BACE2: variants seen among roughly 807,000 people sequenced by gnomAD.
The protein encoded by BACE2 is beta-secretase 2.
BACE2 carries 17 observed loss-of-function variants against 46.2 expected under a neutral mutation model. That is an observed-to-expected ratio of 0.37 (90% CI 0.25 to 0.55). The LOEUF (loss-of-function observed/expected upper bound fraction) is 0.55. Among genes scored for constraint, BACE2 ranks in the 20% least tolerant of loss-of-function variants. BACE2 has a pLI of 0.82. For synonymous variants in BACE2, 277 were observed against 295.9 expected (o/e 0.94, Z 0.66); for missense variants, 595 against 698.1 (o/e 0.85, Z 1.66).
intron 1 of BACE2, among the ~76,000 whole-genome samples, chr21:41,205,969 T>C (rs1252431384): frequency 2.0e-5 from 3 of 152,188 alleles, no homozygotes; most frequent in African/African-American, 7.2e-5. Context: ...CTTGAAGAGA[T>C]AGTCACACAC....
intron 8 of BACE2, among the ~76,000 whole-genome samples, chr21:41,262,308 T>C (rs1987959928): frequency 6.6e-6 from 1 of 152,188 alleles, no homozygotes; most frequent in Non-Finnish European, 1.5e-5. Context: ...TTTTGCAAGG[T>C]ATCTAATGAA....
intron 8 of BACE2, among the ~76,000 whole-genome samples, chr21:41,263,079 G>A (rs1329582766): frequency 2.6e-5 from 4 of 151,592 alleles, no homozygotes; most frequent in African/African-American, 7.3e-5. Context: ...TTCTCATTTC[G>A]TACCATGGAG....
chr21:41,169,828 C>G (rs1350711176), intron 1 of BACE2, among the ~76,000 whole-genome samples: 1 of 152,144 alleles, frequency 6.6e-6, no homozygotes, highest in Non-Finnish European at 1.5e-5. Flanking sequence ...TGGGAAGCCA[C>G]GTGAGTGATC....
intron 1 of BACE2, among the ~76,000 whole-genome samples, chr21:41,195,413 G>T (rs1375515317): frequency 6.6e-6 from 1 of 152,250 alleles, no homozygotes; most frequent in Non-Finnish European, 1.5e-5. Context: ...GGACCCATTA[G>T]GGGAAGGGTT....
chr21:41,271,099 C>CT (rs2088429956), intron 8 of BACE2, among the ~76,000 whole-genome samples: 2 of 152,090 alleles, frequency 1.3e-5, no homozygotes, highest in African/African-American at 4.8e-5. Flanking sequence ...TCTATTCTGT[C>CT]TAATAATATA....
intron 2 of BACE2, among the ~76,000 whole-genome samples, chr21:41,230,983 C>T (rs1224350832): frequency 1.3e-5 from 2 of 152,168 alleles, no homozygotes; most frequent in Non-Finnish European, 2.9e-5. Flanking sequence ...AGTATATTTC[C>T]ATTAAAATGT....
chr21:41,204,261 G>A (rs1986056434), intron 1 of BACE2, among the ~76,000 whole-genome samples: 1 of 152,160 alleles, frequency 6.6e-6, no homozygotes, highest in Admixed American at 6.5e-5. Context: ...GGCTAGCCTT[G>A]AACTCCTGAC....
chr21:41,190,287 AC>A (rs1985521470), intron 1 of BACE2, among the ~76,000 whole-genome samples: 2 of 152,222 alleles, frequency 1.3e-5, no homozygotes, highest in African/African-American at 4.8e-5. Flanking sequence ...ATTATGCCTA[AC>A]ATATTACAAC....
chr21:41,216,081 G>C, intron 1 of BACE2, among the ~76,000 whole-genome samples: 1 of 152,190 alleles, frequency 6.6e-6, no homozygotes, highest in East Asian at 1.9e-4. Flanking sequence ...AGAGCGCGTC[G>C]TGTGAAATTT....
intron 1 of BACE2, among the ~76,000 whole-genome samples, chr21:41,214,777 G>T (rs1430549988): frequency 1.3e-5 from 2 of 152,222 alleles, no homozygotes; most frequent in Non-Finnish European, 2.9e-5. Context: ...ACAAAGAGAT[G>T]AGCCACATGT....
chr21:41,217,873 T>G (rs528239600), intron 1 of BACE2, among the ~76,000 whole-genome samples: 5 of 152,268 alleles, frequency 3.3e-5, no homozygotes, highest in Admixed American at 2.0e-4. Context: ...CACGCCTCCA[T>G]GACACAGCCT....
chr21:41,257,867 G>A (rs1309149510), intron 8 of BACE2, among the ~76,000 whole-genome samples: 2 of 152,186 alleles, frequency 1.3e-5, no homozygotes, highest in Non-Finnish European at 2.9e-5. Flanking sequence ...GGTCTTCAGA[G>A]AAACCAGGAT....
intron 2 of BACE2, among the ~76,000 whole-genome samples, chr21:41,231,626 C>T (rs1986968677): frequency 6.6e-6 from 1 of 152,178 alleles, no homozygotes; most frequent in South Asian, 2.1e-4. Context: ...TTTAATCCTG[C>T]ATTCCCTGAG....
chr21:41,197,261 G>C (rs1283060793), intron 1 of BACE2, among the ~76,000 whole-genome samples: 1 of 147,384 alleles, frequency 6.8e-6, no homozygotes, highest in African/African-American at 2.5e-5. Context: ...CACCCAGCCA[G>C]CCAGGTTTTT....
At chr21:41,251,167 A>G (rs867767410) in intron 7 of BACE2, among the ~76,000 whole-genome samples, 1 of 152,054 alleles carries the variant, frequency 6.6e-6, no homozygotes, top group Non-Finnish European at 1.5e-5. Context: ...TCTCACTCAC[A>G]TATCTGGTGG....
chr21:41,245,672 C>T (rs1462635780), intron 5 of BACE2, among the ~76,000 whole-genome samples: 1 of 152,244 alleles, frequency 6.6e-6, no homozygotes, highest in African/African-American at 2.4e-5. Flanking sequence ...AACTTGGGCA[C>T]CTCTGAGTAA....
intron 1 of BACE2, chr21:41,177,882 C>T (rs1984917841): frequency 6.6e-6 from 1 of 152,492 alleles, no homozygotes; most frequent in Non-Finnish European, 1.5e-5. Context: ...GATGCTGCCT[C>T]CTAGCCCTCC....
At chr21:41,238,641 A>G (rs1299530479) in intron 3 of BACE2, among the ~76,000 whole-genome samples, 3 of 152,082 alleles carry the variant, frequency 2.0e-5, no homozygotes, top group Non-Finnish European at 4.4e-5. Flanking sequence ...TGATGAGTTC[A>G]TGTCCTTTGT....
chr21:41,237,050 A>G (rs1987143500), intron 2 of BACE2, among the ~76,000 whole-genome samples: 1 of 152,198 alleles, frequency 6.6e-6, no homozygotes, highest in Admixed American at 6.5e-5. Context: ...GTTCATGATA[A>G]AGAATGGCTT....
Sources: allele counts gnomAD v4.1 joint callset (sites outside exome capture counted in the v4.1 genomes callset), GRCh38; gene constraint gnomAD v4.1.1; transcripts MANE v1.5; gene names NCBI Gene and HGNC (gene_info 2026-07-23, HGNC 2026-07-21).